COL19A1: variants seen among roughly 807,000 people sequenced by gnomAD.
The protein encoded by COL19A1 is collagen alpha-1(XIX) chain.
In COL19A1, 159 loss-of-function variants were observed where a neutral mutation model predicts 190.2. That is an observed-to-expected ratio of 0.84 (90% CI 0.73 to 0.95). COL19A1 has a LOEUF of 0.95. COL19A1 is among the 40% of genes least tolerant of loss of function. The pLI, the probability that COL19A1 is intolerant of heterozygous loss-of-function variation, is 0.00. For missense variants in COL19A1, 1,418 were observed against 1,431.9 expected (o/e 0.99, Z 0.16); for synonymous variants, 509 against 458.9 (o/e 1.11, Z -1.39).
intron 14 of COL19A1, among the ~76,000 whole-genome samples, chr6:70,043,862 C>G (rs979356860): frequency 3.3e-5 from 5 of 152,152 alleles, no homozygotes; most frequent in Admixed American, 3.3e-4. Flanking sequence ...ACTGTATTAT[C>G]CCCTAACTAG....
rs1270301355 is a variant in COL19A1 at position 69,879,641 on chromosome 6, C to T, written c.74C>T (p.Thr25Ile). 1.2e-6 allele frequency: 2 copies of T among 1,614,038 alleles called. No homozygotes were observed. Among genetic ancestry groups the T allele is most frequent in the East Asian group, 2.2e-5 (1 of 44,882 alleles). ...CTGCTTCCTGCTTCCACTTCCGTGA[C>T]CGTTAGGGACAAGACAGGTATCCAG... is the stretch of plus-strand genomic sequence containing the variant. ...IFLLPASTSV[T>I]VRDKTEESCP... Residue 25 changes from threonine to isoleucine, a missense_variant, in exon 2 of 51, where the codon ACC becomes ATC. By Grantham distance (89) the Thr-to-Ile change is moderately conservative. Coordinates refer to ENST00000620364, the MANE Select transcript of COL19A1 (RefSeq NM_001858.6).
At chr6:70,168,493 CAA>C (rs1765300694) in intron 39 of COL19A1, among the ~76,000 whole-genome samples, 160 bp from the exon 40 acceptor site, 1 of 152,120 alleles carries the variant, frequency 6.6e-6, no homozygotes, top group South Asian at 2.1e-4. Flanking sequence ...AAATTTCCAT[CAA>C]GTTATATTTA....
rs1033207356 is a variant in COL19A1, at chr6:70,207,817, G to A, written c.*543G>A. Reference sequence around the variant, plus strand: ...TACCATCTACATCTATCCTACTTATGCAGAAAAATAGGCAATAAGAACTTC... The same window carrying A: ...TACCATCTACATCTATCCTACTTATACAGAAAAATAGGCAATAAGAACTTC... On this transcript the variant is annotated 3_prime_UTR_variant, in exon 51 of 51. Coordinates refer to ENST00000620364, the MANE Select transcript of COL19A1 (RefSeq NM_001858.6). The A allele has an allele frequency of 1.3e-5, 2 of 151,710 alleles. No individual in the cohort carries two copies. Among genetic ancestry groups the A allele is most frequent in the African/African-American group, 4.8e-5 (2 of 41,280 alleles). 9.4% of individuals were successfully genotyped at this position (151,710 alleles called of 1,614,324 possible).
At chr6:69,906,723 CT>C (rs1770573939) in intron 4 of COL19A1, among the ~76,000 whole-genome samples, 1 of 152,148 alleles carries the variant, frequency 6.6e-6, no homozygotes, top group Non-Finnish European at 1.5e-5. Flanking sequence ...AGGGAGTCTT[CT>C]TTATCTGTGT....
At chr6:69,932,954 G>A in intron 7 of COL19A1, 91 bp downstream of exon 7, 6 of 787,556 alleles carry the variant, frequency 7.6e-6, no homozygotes, top group Non-Finnish European at 1.2e-5. Context: ...GGGTAGCACT[G>A]AGTGTGTTCT....
At chr6:69,949,384 A>G (rs993711864) in intron 9 of COL19A1, among the ~76,000 whole-genome samples, 1 of 151,844 alleles carries the variant, frequency 6.6e-6, no homozygotes, top group Non-Finnish European at 1.5e-5. Context: ...GAGTGAAAAA[A>G]TGCCGCCTCA....
intron 15 of COL19A1, among the ~76,000 whole-genome samples, chr6:70,099,019 C>T (rs1045476790): frequency 1.8e-4 from 23 of 125,254 alleles, no homozygotes; most frequent in Non-Finnish European, 3.0e-4. Context: ...TCCAGGAGTT[C>T]GAGACCAGCC....
chr6:70,104,573 C>T (rs1040803415), intron 16 of COL19A1, among the ~76,000 whole-genome samples: 9 of 152,122 alleles, frequency 5.9e-5, no homozygotes, highest in South Asian at 2.1e-4. Flanking sequence ...TGGTTGGGGA[C>T]GCAGAGCCAA....
Position 70,121,918 on chromosome 6 carries a change from T to C in COL19A1, c.1317T>C (p.Gly439=). The C allele has an allele frequency of 6.3e-7, 1 of 1,591,094 alleles. No homozygotes were observed. Among genetic ancestry groups the C allele is most frequent in the Non-Finnish European group, 8.5e-7 (1 of 1,170,282 alleles). The change falls in exon 17 of 51, where the codon GGT becomes GGC. Residue 439 remains glycine (G), a synonymous_variant. Transcript: ENST00000620364. Reference sequence around the variant, plus strand: ...TACAAGGAATACACCAAACTCTTGGTGGATATTATAACAAGGATAACAAGG... The same window carrying C: ...TACAAGGAATACACCAAACTCTTGGCGGATATTATAACAAGGATAACAAGG... The part of the protein sequence containing the change: ...PGIQGIHQTL[G]GYYNKDNKGN...
intron 11 of COL19A1, among the ~76,000 whole-genome samples, chr6:70,022,484 CAGGT>C (rs1178942284): frequency 6.6e-6 from 1 of 152,054 alleles, no homozygotes; most frequent in Non-Finnish European, 1.5e-5. Context: ...AGATGGTGTG[CAGGT>C]AGGTAGGTAG....
chr6:70,146,883 C>A lies in COL19A1; in HGVS notation c.1887C>A (p.Gly629=), dbSNP rs750856680. The part of the protein sequence containing the change: ...DIGPQGIGIP[G]RTGAQGPAGE... Reference sequence around the variant, plus strand: ...GCCCACAAGGGATAGGAATTCCTGGCAGAACAGTAAGTGAAATTCATTCGA... The same window carrying A: ...GCCCACAAGGGATAGGAATTCCTGGAAGAACAGTAAGTGAAATTCATTCGA... The change falls in exon 27 of 51, where the codon GGC becomes GGA. Residue 629 remains glycine, a synonymous_variant. Transcript: ENST00000620364. The A allele has an allele frequency of 1.9e-6, 3 of 1,572,704 alleles. No individual in the cohort carries two copies. Among genetic ancestry groups the A allele is most frequent in the South Asian group, 2.4e-5 (2 of 83,362 alleles).
intron 4 of COL19A1, among the ~76,000 whole-genome samples, chr6:69,921,481 T>TATTCATATATATTC: frequency 1.2e-5 from 1 of 86,412 alleles, no homozygotes; most frequent in East Asian, 2.9e-4. Context: ...CATATATTCA[T>TATTCATATATATTC]ATATATTCAT....
chr6:69,907,695 G>A (rs556800330), intron 4 of COL19A1, among the ~76,000 whole-genome samples: 2 of 152,268 alleles, frequency 1.3e-5, no homozygotes, highest in South Asian at 4.1e-4. Flanking sequence ...AATAGAAGCT[G>A]TAGTTTACTG....
chr6:70,168,761 G>T (rs1037931038), intron 40 of COL19A1, 80 bp downstream of exon 40: 1 of 1,486,228 alleles, frequency 6.7e-7, no homozygotes, highest in African/African-American at 1.4e-5. Context: ...GGGCAAAATG[G>T]CCTGCCTTCT....
At chr6:69,914,570 T>C (rs1223695423) in intron 4 of COL19A1, among the ~76,000 whole-genome samples, 1 of 152,258 alleles carries the variant, frequency 6.6e-6, no homozygotes, top group African/African-American at 2.4e-5. Context: ...GTTCTTGATA[T>C]TTAAAAATCG....
chr6:69,974,162 A>T (rs1051634099), intron 11 of COL19A1: 3 of 152,240 alleles, frequency 2.0e-5, no homozygotes, highest in Non-Finnish European at 2.9e-5. Context: ...TTCTAATATC[A>T]GTAAAGGATC....
At chr6:69,954,329 C>G (rs570466638) in intron 9 of COL19A1, among the ~76,000 whole-genome samples, 1 of 152,014 alleles carries the variant, frequency 6.6e-6, no homozygotes, top group East Asian at 1.9e-4. Context: ...ATCTCTAATC[C>G]CAGCAACTGA....
intron 27 of COL19A1, among the ~76,000 whole-genome samples, chr6:70,149,301 G>A (rs1017248632): frequency 6.6e-6 from 1 of 152,086 alleles, no homozygotes; most frequent in Non-Finnish European, 1.5e-5. Context: ...TCCTGTCACT[G>A]AACACTGTTT....
chr6:70,172,086 G>A (rs1427065422), intron 41 of COL19A1, 69 bp downstream of exon 41: 1 of 1,439,772 alleles, frequency 6.9e-7, no homozygotes. Flanking sequence ...CACCTAATGT[G>A]CCAAAAACTG....
Sources: gnomAD v4.1 joint callset for allele counts (sites outside exome capture counted in the v4.1 genomes callset) on GRCh38, gnomAD v4.1.1 for gene constraint, MANE v1.5 for transcripts, NCBI Gene and HGNC (gene_info 2026-07-23, HGNC 2026-07-21) for gene names.